Variants in WNT3A observed in about 807,000 individuals in gnomAD.
WNT3A encodes protein Wnt-3a.
A neutral mutation model predicts 37.0 loss-of-function variants in WNT3A; 17 were observed. The ratio of observed to expected loss-of-function variants is 0.46; its 90% CI spans 0.31 to 0.69. The LOEUF (loss-of-function observed/expected upper bound fraction) is 0.69. Ranked by LOEUF, WNT3A falls within the 30% of genes least tolerant of loss-of-function variation. WNT3A has a pLI of 0.05. For synonymous variants in WNT3A, 187 were observed against 211.0 expected, an observed-to-expected ratio of 0.89 and a Z score of 0.99; for missense variants, 411 against 510.2, an observed-to-expected ratio of 0.81 and a Z score of 1.87.
At chr1:228,047,665 T>C (rs2031455864) in intron 2 of WNT3A, among the ~76,000 whole-genome samples, 1 of 152,146 alleles carries the variant, frequency 6.6e-6, no homozygotes, top group Non-Finnish European at 1.5e-5. Context: ...GATGTTTAAT[T>C]GGCTCAGGGT....
Position 228,007,818 on chromosome 1 carries a change from C to G in WNT3A, c.71+619C>G, listed in dbSNP as rs2030246324. Among the ~76,000 whole-genome samples, 1 of 152,092 alleles carries G rather than the reference C, an allele frequency of 6.6e-6. No individual in the cohort carries two copies. The highest frequency in any genetic ancestry group is 2.4e-5 in the African/African-American group (1 of 41,450). ...GCACGGGGGTTTCCAGGGGCCCTCTCTGCGAGCCCTCCGCATGGGTCCACC... is the reference window on the plus strand; with the variant it reads ...GCACGGGGGTTTCCAGGGGCCCTCTGTGCGAGCCCTCCGCATGGGTCCACC... On this transcript the variant is annotated intron_variant, in intron 1 of 3. Coordinates refer to ENST00000284523, the MANE Select transcript of WNT3A (RefSeq NM_033131.4). The surrounding 1 kb of genome is among the most constrained non-coding windows in gnomAD (Gnocchi z 6.0).
In WNT3A at chr1:228,013,655, C is replaced by T. The variant is rs10916253; in HGVS notation, c.71+6456C>T. 1.2e-4 allele frequency among the ~76,000 whole-genome samples: 18 copies of T among 152,256 alleles called. 1 individual carries two copies. The East Asian group carries it at 3.3e-3, about 28-fold the overall frequency. ...GGCCTTAAGTCCTGGGGACCCTGGCCGGCTCACAAGGTGCTTGAGCTGCCG... is the reference window on the plus strand; with the variant it reads ...GGCCTTAAGTCCTGGGGACCCTGGCTGGCTCACAAGGTGCTTGAGCTGCCG... On this transcript the variant is annotated intron_variant, in intron 1 of 3. Transcript: ENST00000284523.
intron 2 of WNT3A, among the ~76,000 whole-genome samples, chr1:228,049,035 G>A (rs1252474238): frequency 6.6e-6 from 1 of 152,198 alleles, no homozygotes. Flanking sequence ...AAGGACCCAG[G>A]CAGCTCCAAT....
chr1:228,058,972 C>T lies in WNT3A; in HGVS notation c.580-14C>T, dbSNP rs773307853. 154 of 1,598,166 alleles carry T rather than the reference C, an allele frequency of 9.6e-5. 1 individual carries two copies. The highest frequency in any genetic ancestry group is 8.5e-4 in the Admixed American group (50 of 58,754). On this transcript the variant is annotated splice_polypyrimidine_tract_variant and intron_variant, in intron 3 of 3. Transcript: ENST00000284523. Reference sequence around the variant, plus strand: ...GGGGCCGCCCTGACGCTGGCTCCTGCGCGTGCCCCGCAGGCCATCGCCAGC... The same window carrying T: ...GGGGCCGCCCTGACGCTGGCTCCTGTGCGTGCCCCGCAGGCCATCGCCAGC...
chr1:228,047,313 G>A (rs527539904), intron 2 of WNT3A, among the ~76,000 whole-genome samples: 15 of 152,308 alleles, frequency 9.8e-5, no homozygotes, highest in South Asian at 8.3e-4. Context: ...AAGCAGGCCC[G>A]AGGGGCTCAG....
Position 228,059,000 on chromosome 1 carries a change from C to T in WNT3A, c.594C>T (p.His198=), listed in dbSNP as rs1270397332. The change falls in exon 4 of 4, where the codon CAC becomes CAT. Residue 198 remains histidine (H), a synonymous_variant. Transcript: ENST00000284523. ...NEAGRQAIAS[H]MHLKCKCHGL... Reference sequence around the variant, plus strand: ...GTGCCCCGCAGGCCATCGCCAGCCACATGCACCTCAAGTGCAAGTGCCACG... The same window carrying T: ...GTGCCCCGCAGGCCATCGCCAGCCATATGCACCTCAAGTGCAAGTGCCACG... The T allele has an allele frequency of 3.1e-6, 5 of 1,611,484 alleles. No homozygotes were observed. The South Asian group carries it at 4.4e-5, about 14-fold the overall frequency.
At chr1:228,017,610 G>A (rs1019234311) in intron 1 of WNT3A, among the ~76,000 whole-genome samples, 1 of 152,220 alleles carries the variant, frequency 6.6e-6, no homozygotes, top group Non-Finnish European at 1.5e-5. Context: ...CTACTTGGGA[G>A]GCTGAGGCTA....
intron 3 of WNT3A, among the ~76,000 whole-genome samples, chr1:228,058,571 C>T (rs2031726977): frequency 6.6e-6 from 1 of 152,246 alleles, no homozygotes; most frequent in African/African-American, 2.4e-5. Context: ...TCGTGCCTTT[C>T]CACCCAGCCG....
chr1:228,059,516 C>T lies in WNT3A; in HGVS notation c.*51C>T. 1 of 1,458,938 alleles carries T rather than the reference C, an allele frequency of 6.9e-7. No individual in the cohort carries two copies. Among genetic ancestry groups the T allele is most frequent in the Non-Finnish European group, 9.0e-7 (1 of 1,112,858 alleles). 90.4% of individuals were successfully genotyped at this position (1,458,938 alleles called of 1,614,324 possible). The stretch of plus-strand genomic sequence containing the variant: ...GGGGCGGGCCCTGCCTGAGGGTGGG[C>T]TTTTCCCTGGGTGGAGCAGGACTCC... On this transcript the variant is annotated 3_prime_UTR_variant, in exon 4 of 4. Transcript: ENST00000284523.
At chr1:228,026,109 A>G (rs1442521183) in intron 2 of WNT3A, among the ~76,000 whole-genome samples, 1 of 146,922 alleles carries the variant, frequency 6.8e-6, no homozygotes, top group Non-Finnish European at 1.5e-5. Context: ...TAATATATAG[A>G]AATTTAACTT....
In WNT3A at chr1:228,059,573, G is replaced by A. The variant is rs557501637; in HGVS notation, c.*108G>A. On this transcript the variant is annotated 3_prime_UTR_variant, in exon 4 of 4. Transcript: ENST00000284523. ...AACGGGGCAGTACTCCTCCCTGGGG[G>A]CGGGACTCCTCCCTGGGGGTGGGGC... The A allele has an allele frequency of 1.8e-4, 255 of 1,397,296 alleles. No individual in the cohort carries two copies. The Middle Eastern group carries it at 3.7e-3, about 20-fold the overall frequency. 86.6% of individuals were successfully genotyped at this position (1,397,296 alleles called of 1,614,324 possible). A position where few individuals can be genotyped will look rare whatever the true frequency, so the allele number is the denominator to read the frequency against.
chr1:228,052,651 A>G (rs2031579718), intron 3 of WNT3A, among the ~76,000 whole-genome samples: 1 of 152,204 alleles, frequency 6.6e-6, no homozygotes, highest in Non-Finnish European at 1.5e-5. Flanking sequence ...GAATCAGGGG[A>G]CCACAGAGGG....
At chr1:228,013,555 C>A (rs950008202) in intron 1 of WNT3A, among the ~76,000 whole-genome samples, 2 of 152,114 alleles carry the variant, frequency 1.3e-5, no homozygotes, top group Non-Finnish European at 2.9e-5. Flanking sequence ...GGAGGAGGTG[C>A]GGGTTGGGAG....
Position 228,036,377 on chromosome 1 carries a change from A to ATG in WNT3A, c.313+13486_313+13487dup, listed in dbSNP as rs35733653. ...TGCATGCCTGTGTGTATGCATGTGC[A>ATG]TGTGTGTGTGTGTGTGTGCATGAGT... On this transcript the variant is annotated intron_variant, in intron 2 of 3. Transcript: ENST00000284523. 1.2e-3 allele frequency among the ~76,000 whole-genome samples: 177 copies of ATG among 150,318 alleles called. 1 individual carries two copies. Among genetic ancestry groups the ATG allele is most frequent in the South Asian group, 1.9e-3 (9 of 4,772 alleles).
chr1:228,059,446 A>T lies in WNT3A; in HGVS notation c.1040A>T (p.Asp347Val). 1 of 1,526,308 alleles carries T rather than the reference A, an allele frequency of 6.6e-7. No individual in the cohort carries two copies. The highest frequency in any genetic ancestry group is 2.3e-5 in the East Asian group (1 of 43,262). 94.5% of individuals were successfully genotyped at this position (1,526,308 alleles called of 1,614,324 possible). A position where few individuals can be genotyped will look rare whatever the true frequency, so the allele number is the denominator to read the frequency against. Residue 347 changes from aspartate to valine, a missense_variant, in exon 4 of 4, where the codon GAC becomes GTC. Transcript: ENST00000284523. ...VSCQECTRVY[D>V]VHTCK Reference sequence around the variant, plus strand: ...TGCCAGGAGTGCACGCGCGTCTACGACGTGCACACCTGCAAGTAGGCACCG... The same window carrying T: ...TGCCAGGAGTGCACGCGCGTCTACGTCGTGCACACCTGCAAGTAGGCACCG...
intron 3 of WNT3A, among the ~76,000 whole-genome samples, chr1:228,055,217 T>TATATAC (rs2031661108): frequency 9.9e-6 from 1 of 101,132 alleles, no homozygotes; most frequent in Non-Finnish European, 1.9e-5. Flanking sequence ...TATATATATA[T>TATATAC]ATACACACAC....
chr1:228,044,916 G>T (rs2031367215), intron 2 of WNT3A, among the ~76,000 whole-genome samples: 1 of 152,216 alleles, frequency 6.6e-6, no homozygotes, highest in African/African-American at 2.4e-5. Context: ...TCTCTGCAGA[G>T]ACTTCTTGTC....
rs748878755 is a variant in WNT3A at position 228,037,048 on chromosome 1, C to CG, written c.314-13602dup. ...GGGCCCTGGCACCTGCCAGATAGGTCGGGGGGAGTGGAGTGGCATGGGGAG... is the reference window on the plus strand; with the variant it reads ...GGGCCCTGGCACCTGCCAGATAGGTCGGGGGGGAGTGGAGTGGCATGGGGAG... On this transcript the variant is annotated intron_variant, in intron 2 of 3. Coordinates refer to ENST00000284523, the MANE Select transcript of WNT3A (RefSeq NM_033131.4). This position sits in a 1 kb window ranked among gnomAD's most constrained non-coding sequence, Gnocchi z 4.1. 9.2e-5 allele frequency among the ~76,000 whole-genome samples: 14 copies of CG among 152,200 alleles called. No homozygotes were observed. In the East Asian group the frequency reaches 2.1e-3, roughly 23 times the overall value.
chr1:228,012,458 C>A (rs1446985501), intron 1 of WNT3A, among the ~76,000 whole-genome samples: 1 of 152,156 alleles, frequency 6.6e-6, no homozygotes. Flanking sequence ...AAAAACAAAC[C>A]AACCACGTCC....
Sources: gnomAD v4.1 joint callset for allele counts (sites outside exome capture counted in the v4.1 genomes callset) on GRCh38, gnomAD v4.1.1 for gene constraint, Gnocchi (gnomAD v3.1) non-coding constraint, MANE v1.5 for transcripts, NCBI Gene and HGNC (gene_info 2026-07-23, HGNC 2026-07-21) for gene names.